SPIRE2: variants seen among roughly 807,000 people sequenced by gnomAD.
SPIRE2 encodes spire type actin nucleation factor 2, also known as protein spire homolog 2.
In SPIRE2, 76 loss-of-function variants were observed where a neutral mutation model predicts 80.7. That is an observed-to-expected ratio of 0.94 (90% CI 0.78 to 1.14). The LOEUF (loss-of-function observed/expected upper bound fraction) is 1.14. SPIRE2 is among the 50% of genes most tolerant of loss of function. SPIRE2 has a pLI of 0.00. For synonymous variants in SPIRE2, 535 were observed against 432.6 expected (o/e 1.24, Z -2.94); for missense variants, 1,196 against 1,015.3 (o/e 1.18, Z -2.42).
chr16:89,855,098 C>T (rs1425317546), intron 5 of SPIRE2, among the ~76,000 whole-genome samples: 4 of 152,178 alleles, frequency 2.6e-5, no homozygotes, highest in Non-Finnish European at 5.9e-5. Context: ...GCCACCACGC[C>T]TGGCTAATTT....
At chr16:89,850,857 A>G (rs1244430037) in intron 3 of SPIRE2, among the ~76,000 whole-genome samples, 197 bp downstream of exon 3, 2 of 151,556 alleles carry the variant, frequency 1.3e-5, no homozygotes, top group African/African-American at 4.9e-5. Flanking sequence ...GTTTTTTTAG[A>G]CAGGGTCTCA....
At chr16:89,859,739 G>C (rs2143820635) in intron 9 of SPIRE2, among the ~76,000 whole-genome samples, 1 of 152,268 alleles carries the variant, frequency 6.6e-6, no homozygotes, top group South Asian at 2.1e-4. Flanking sequence ...TCTGGAACCT[G>C]AGCCGTGATT....
chr16:89,869,500 C>G (rs1237662852), intron 13 of SPIRE2, 67 bp from the exon 14 acceptor site: 6 of 1,120,520 alleles, frequency 5.4e-6, no homozygotes, highest in East Asian at 2.4e-5. Flanking sequence ...GGGAGGTCCC[C>G]TAGCACTGAG....
Position 89,870,167 on chromosome 16 carries a change from G to A in SPIRE2, c.2040G>A (p.Val680=). 1.2e-6 allele frequency: 2 copies of A among 1,610,716 alleles called. No homozygotes were observed. The highest frequency in any genetic ancestry group is 1.7e-6 in the Non-Finnish European group (2 of 1,178,844). Residue 680 remains valine (V), a synonymous_variant, in exon 15 of 15, where the codon GTG becomes GTA. Transcript: ENST00000378247. ...GCACCAGCTTTGTGGCAGACGTGGT[G>A]CGTTCCAGCCGCAAGAGCGTGGACG... ...SECTSFVADV[V]RSSRKSVDVL... is the part of the protein sequence containing the mutation.
intron 3 of SPIRE2, among the ~76,000 whole-genome samples, chr16:89,853,094 T>A (rs1047532424): frequency 6.6e-6 from 1 of 152,180 alleles, no homozygotes; most frequent in African/African-American, 2.4e-5. Context: ...TCCCCACAAT[T>A]AGCAGACGGT....
intron 1 of SPIRE2, among the ~76,000 whole-genome samples, chr16:89,842,285 T>TC (rs2041514217): frequency 7.3e-6 from 1 of 137,560 alleles, no homozygotes; most frequent in South Asian, 2.4e-4. Context: ...CCATCTTGAC[T>TC]CACTGCAACC....
At chr16:89,837,885 C>A (rs772670891) in intron 1 of SPIRE2, among the ~76,000 whole-genome samples, 16 of 152,244 alleles carry the variant, frequency 1.1e-4, no homozygotes, top group African/African-American at 2.9e-4. Flanking sequence ...GCTCACGGCT[C>A]AACCACATGG....
Position 89,829,174 on chromosome 16 carries a change from G to C in SPIRE2, c.244+380G>C, listed in dbSNP as rs571537255. Among the ~76,000 whole-genome samples, 181 of 152,342 alleles carry C rather than the reference G, an allele frequency of 1.2e-3. 1 individual carries two copies. The highest frequency in any genetic ancestry group is 2.1e-3 in the South Asian group (10 of 4,832). Reference sequence around the variant, plus strand: ...GGCGACTCCTCCCCTGCCTTCAGCAGGAAAGGAGACAGAAGCGTCCCCTTG... The same window carrying C: ...GGCGACTCCTCCCCTGCCTTCAGCACGAAAGGAGACAGAAGCGTCCCCTTG... On this transcript the variant is annotated intron_variant, in intron 1 of 14. Coordinates refer to ENST00000378247, the MANE Select transcript of SPIRE2 (RefSeq NM_032451.2).
Position 89,863,616 on chromosome 16 carries a change from G to C in SPIRE2, c.1710+6G>C, listed in dbSNP as rs2041763244. The stretch of plus-strand genomic sequence containing the variant: ...GCAGTCTGAAGAAGGGGAAGGTGAG[G>C]CTGCCTAGACGTGGGGCTACGCTCT... On this transcript the variant is annotated splice_donor_region_variant and intron_variant, in intron 11 of 14. Transcript: ENST00000378247. This position sits in a 1 kb window ranked among gnomAD's most constrained non-coding sequence, Gnocchi z 4.3. 6.2e-7 allele frequency: 1 copy of C among 1,614,086 alleles called. No homozygotes were observed. The highest frequency in any genetic ancestry group is 2.2e-5 in the East Asian group (1 of 44,892).
intron 1 of SPIRE2, among the ~76,000 whole-genome samples, chr16:89,837,018 C>G (rs1412551259): frequency 6.6e-6 from 1 of 151,996 alleles, no homozygotes; most frequent in Non-Finnish European, 1.5e-5. Context: ...ATCCTGCACC[C>G]CAGATTCCTG....
At chr16:89,861,679 A>G (rs2041745732) in intron 10 of SPIRE2, among the ~76,000 whole-genome samples, 2 of 152,186 alleles carry the variant, frequency 1.3e-5, no homozygotes, top group Admixed American at 6.5e-5. Context: ...GTCTTTCGTG[A>G]GGCTGCAGTT....
intron 1 of SPIRE2, among the ~76,000 whole-genome samples, chr16:89,835,186 G>A (rs548516927): frequency 6.3e-5 from 9 of 143,692 alleles, no homozygotes; most frequent in South Asian, 2.1e-4. Flanking sequence ...AGCATAGCCC[G>A]TGTGAATCTG....
At chr16:89,853,984 G>A (rs957371078) in intron 3 of SPIRE2, among the ~76,000 whole-genome samples, 1 of 152,264 alleles carries the variant, frequency 6.6e-6, no homozygotes, top group African/African-American at 2.4e-5. Context: ...TCAGCGTAAA[G>A]GCCTGGCTGG....
At chr16:89,851,425 C>T (rs969143459) in intron 3 of SPIRE2, among the ~76,000 whole-genome samples, 2 of 152,150 alleles carry the variant, frequency 1.3e-5, no homozygotes, top group African/African-American at 2.4e-5. Context: ...CTTGCTGGGC[C>T]TGTGACAACC....
chr16:89,838,544 G>A (rs2041473384), intron 1 of SPIRE2, among the ~76,000 whole-genome samples: 1 of 152,130 alleles, frequency 6.6e-6, no homozygotes, highest in South Asian at 2.1e-4. Flanking sequence ...GGGAAGCTCA[G>A]GGAAGCACGG....
intron 5 of SPIRE2, 63 bp downstream of exon 5, chr16:89,854,714 C>G: frequency 1.3e-6 from 2 of 1,559,990 alleles, no homozygotes; most frequent in Non-Finnish European, 1.7e-6. Flanking sequence ...GGGGCGGACG[C>G]AGATGAGCAG....
chr16:89,848,923 A>G (rs1425420097), intron 2 of SPIRE2, among the ~76,000 whole-genome samples: 19 of 104,464 alleles, frequency 1.8e-4, no homozygotes, highest in Non-Finnish European at 2.5e-4. Context: ...GGCCTTCTGC[A>G]GTGTTTCTGC....
intron 1 of SPIRE2, among the ~76,000 whole-genome samples, chr16:89,842,721 T>C (rs1183785738): frequency 6.6e-6 from 1 of 152,132 alleles, no homozygotes; most frequent in Non-Finnish European, 1.5e-5. Context: ...GGGAGCACCT[T>C]TGTTTGGGTC....
chr16:89,833,413 C>T (rs561016755), intron 1 of SPIRE2, among the ~76,000 whole-genome samples: 9 of 152,228 alleles, frequency 5.9e-5, no homozygotes, highest in Non-Finnish European at 1.2e-4. Context: ...GGTGAGCCAC[C>T]GCACCCGCCT....
Sources: allele counts gnomAD v4.1 joint callset (sites outside exome capture counted in the v4.1 genomes callset), GRCh38; gene constraint gnomAD v4.1.1; non-coding constraint Gnocchi (gnomAD v3.1); transcripts MANE v1.5; gene names NCBI Gene and HGNC (gene_info 2026-07-23, HGNC 2026-07-21).